The following CDK11B variants were observed in gnomAD, a reference collection of about 807,000 sequenced individuals.
The protein encoded by CDK11B is cyclin dependent kinase 11B, also known as cyclin-dependent kinase 11B.
A neutral mutation model predicts 84.0 loss-of-function variants in CDK11B; 37 were observed. The ratio of observed to expected loss-of-function variants is 0.44; its 90% CI spans 0.34 to 0.58. The LOEUF (loss-of-function observed/expected upper bound fraction) is 0.58, where lower values mean the gene tolerates loss of function less well. CDK11B is among the 20% of genes least tolerant of loss of function. CDK11B has a pLI of 0.02. For missense variants in CDK11B, 427 were observed against 834.0 expected (o/e 0.51, Z 6.01); for synonymous variants, 269 against 309.8 (o/e 0.87, Z 1.38).
intron 4 of CDK11B, among the ~76,000 whole-genome samples, chr1:1,650,779 C>T (rs1426515761): frequency 6.6e-6 from 1 of 150,792 alleles, no homozygotes; most frequent in Non-Finnish European, 1.5e-5. Context: ...CAGGCCTGGG[C>T]CACTGCACCC....
intron 11 of CDK11B, among the ~76,000 whole-genome samples, chr1:1,639,247 C>T (rs1056362563): frequency 6.6e-5 from 10 of 151,784 alleles, no homozygotes; most frequent in Admixed American, 6.6e-4. Flanking sequence ...GGTCAAAACT[C>T]CTTTCTACAA....
At chr1:1,656,551 A>G (rs1016209079) in intron 2 of CDK11B, among the ~76,000 whole-genome samples, 3 of 152,138 alleles carry the variant, frequency 2.0e-5, no homozygotes, top group African/African-American at 7.2e-5. Context: ...GCACTTTGGG[A>G]GGCCGAGGTG....
chr1:1,655,284 C>CT (rs1642595356), intron 3 of CDK11B, 85 bp downstream of exon 3: 2 of 1,479,712 alleles, frequency 1.4e-6, no homozygotes, highest in Non-Finnish European at 1.8e-6. Context: ...TACAACAGCA[C>CT]ACAGTTGTCA....
chr1:1,647,792 C>T (rs1641366588), intron 5 of CDK11B, among the ~76,000 whole-genome samples: 1 of 152,216 alleles, frequency 6.6e-6, no homozygotes, highest in Non-Finnish European at 1.5e-5. Flanking sequence ...TTTCTTCCTC[C>T]CTCCACTGAG....
At chr1:1,657,351 A>G in intron 2 of CDK11B, 24 bp downstream of exon 2, 1 of 1,613,666 alleles carries the variant, frequency 6.2e-7, no homozygotes, top group Non-Finnish European at 8.5e-7. Context: ...TAAGAAAACC[A>G]CTTACTTAAA....
chr1:1,658,922 C>CGCCGCCGCT lies in CDK11B; in HGVS notation c.-31_-23dup, dbSNP rs994453275. On this transcript the variant is annotated 5_prime_UTR_variant, in exon 1 of 20. Transcript: ENST00000341832. ...GCCCAGTCGGAACTCACCCCTACGC[C>CGCCGCCGCT]GCCGCCGCTGCCGCCGCCGCCGCCG... 16 of 193,918 alleles carry CGCCGCCGCT rather than the reference C, an allele frequency of 8.3e-5. No individual in the cohort carries two copies. The highest frequency in any genetic ancestry group is 1.6e-4 in the Non-Finnish European group (15 of 94,506). 12.0% of individuals were successfully genotyped at this position (193,918 alleles called of 1,614,324 possible).
intron 3 of CDK11B, among the ~76,000 whole-genome samples, chr1:1,655,135 C>G (rs1253874886): frequency 6.6e-6 from 1 of 152,052 alleles, no homozygotes; most frequent in Non-Finnish European, 1.5e-5. Context: ...TAACACATGG[C>G]AAAGTTCTTT....
At chr1:1,655,219 C>A in intron 3 of CDK11B, 150 bp downstream of exon 3, 1 of 993,706 alleles carries the variant, frequency 1.0e-6, no homozygotes, top group Non-Finnish European at 1.4e-6. Flanking sequence ...GACATAAAAA[C>A]CTCAATAGTT....
At chr1:1,647,565 G>C (rs550211169) in intron 5 of CDK11B, among the ~76,000 whole-genome samples, 1 of 152,182 alleles carries the variant, frequency 6.6e-6, no homozygotes, top group South Asian at 2.1e-4. Flanking sequence ...CTTGGCCCAC[G>C]GCTGTGTGTG....
In CDK11B at chr1:1,652,408, A is replaced by G. The variant is rs1480228584; in HGVS notation, c.355+31T>C. ...AACAGGAAAGAAACCACACTTGAAC[A>G]TGATGTCAAAGAAAGTAAATGCTTC... On this transcript the variant is annotated intron_variant, in intron 4 of 19. Coordinates refer to ENST00000341832, the MANE Select transcript of CDK11B (RefSeq NM_033486.3). 1.3e-3 allele frequency: 1,977 copies of G among 1,479,298 alleles called. 24 individuals carry two copies. In the African/African-American group the frequency reaches 0.026, roughly 19 times the overall value. 91.6% of individuals were successfully genotyped at this position (1,479,298 alleles called of 1,614,324 possible).
Position 1,654,865 on chromosome 1 carries a change from A to G in CDK11B, c.227+504T>C, listed in dbSNP as rs187852940. 1.8e-3 allele frequency among the ~76,000 whole-genome samples: 276 copies of G among 149,614 alleles called. 4 individuals carry two copies. In the East Asian group the frequency reaches 0.035, roughly 19 times the overall value. ...AGTAGAGACGGGGTTTCACTGTGTT[A>G]GCCAGGATGGTCTTGATCTTCTGAC... On this transcript the variant is annotated intron_variant, in intron 3 of 19. Coordinates refer to ENST00000341832, the MANE Select transcript of CDK11B (RefSeq NM_033486.3).
At position 1,636,989 on chromosome 1, in the gene CDK11B, G is replaced by A. The variant is rs371413920; in HGVS notation, c.1708C>T (p.Leu570=). 11 of 1,612,054 alleles carry A rather than the reference G, an allele frequency of 6.8e-6. No individual in the cohort carries two copies. The African/African-American group carries it at 9.3e-5, about 14-fold the overall frequency. ...AGILKVGDFG[L]AREYGSPLKA... is the part of the protein sequence containing the mutation. Reference sequence around the variant, plus strand: ...AGAGGGGATCCGTACTCCCGCGCCAGCCCGAAGTCACCCACCTGCAACGAC... The same window carrying A: ...AGAGGGGATCCGTACTCCCGCGCCAACCCGAAGTCACCCACCTGCAACGAC... The change falls in exon 16 of 20, where the codon CTG becomes TTG. Residue 570 remains leucine, a synonymous_variant. Transcript: ENST00000341832.
rs757824725 is a variant in CDK11B at position 1,640,338 on chromosome 1, G to T, written c.1190C>A (p.Ser397Tyr). 6.2e-7 allele frequency: 1 copy of T among 1,613,712 alleles called. No individual in the cohort carries two copies. The highest frequency in any genetic ancestry group is 8.5e-7 in the Non-Finnish European group (1 of 1,179,664). The change falls in exon 11 of 20, where the codon TCC becomes TAC. Residue 397 changes from serine (S) to tyrosine (Y), a missense_variant. Ser to Tyr is a moderately radical substitution (Grantham distance 144). Transcript: ENST00000341832. ...ALTEGDYVPD[S>Y]PALSPIELKQ... ...GAGCTCGATGGGCGACAGGGCAGGGGAGTCGGGCACATAGTCGCCCTCTGT... is the reference window on the plus strand; with the variant it reads ...GAGCTCGATGGGCGACAGGGCAGGGTAGTCGGGCACATAGTCGCCCTCTGT...
At position 1,650,427 on chromosome 1, in the gene CDK11B, G is replaced by A. The variant is rs1467319747; in HGVS notation, c.356-790C>T. Among the ~76,000 whole-genome samples, 22 of 142,632 alleles carry A rather than the reference G, an allele frequency of 1.5e-4. No homozygotes were observed. The South Asian group carries it at 2.0e-3, about 13-fold the overall frequency. The allele number at this position is 142,632 out of a possible 152,430, so 93.6% of individuals were successfully genotyped here. On this transcript the variant is annotated intron_variant, in intron 4 of 19. Transcript: ENST00000341832. ...GTCGCCCAGGCTGGAGTGCAGTGGC[G>A]CAATCTCGGCTCACTGCAAGCTCCG...
chr1:1,636,500 T>C lies in CDK11B; in HGVS notation c.1918-19A>G. The C allele has an allele frequency of 1.9e-6, 3 of 1,605,998 alleles. No individual in the cohort carries two copies. Among genetic ancestry groups the C allele is most frequent in the Non-Finnish European group, 2.6e-6 (3 of 1,176,276 alleles). Reference sequence around the variant, plus strand: ...CCAGATCCTGAAAGACAGAGGTGCTTCAACAGCCACACCAAGTGGCCCACA... The same window carrying C: ...CCAGATCCTGAAAGACAGAGGTGCTCCAACAGCCACACCAAGTGGCCCACA... On this transcript the variant is annotated intron_variant, in intron 17 of 19. Coordinates refer to ENST00000341832, the MANE Select transcript of CDK11B (RefSeq NM_033486.3).
intron 16 of CDK11B, 40 bp downstream of exon 16, chr1:1,636,857 C>A: frequency 6.2e-7 from 1 of 1,612,018 alleles, no homozygotes; most frequent in Non-Finnish European, 8.5e-7. Context: ...TGGGAGGCTG[C>A]GTGGGGGACA....
At chr1:1,638,348 G>A (rs1639700165) in intron 12 of CDK11B, among the ~76,000 whole-genome samples, 152 bp downstream of exon 12, 1 of 152,218 alleles carries the variant, frequency 6.6e-6, no homozygotes, top group Non-Finnish European at 1.5e-5. Context: ...AAAGCCCCAG[G>A]GCCAGGCTGA....
chr1:1,635,524 A>T lies in CDK11B; in HGVS notation c.*240T>A. 1 of 455,076 alleles carries T rather than the reference A, an allele frequency of 2.2e-6. No individual in the cohort carries two copies. Among genetic ancestry groups the T allele is most frequent in the Non-Finnish European group, 3.8e-6 (1 of 266,642 alleles). 28.2% of individuals were successfully genotyped at this position (455,076 alleles called of 1,614,324 possible). A position where few individuals can be genotyped will look rare whatever the true frequency, so the allele number is the denominator to read the frequency against. On this transcript the variant is annotated 3_prime_UTR_variant, in exon 20 of 20. Coordinates refer to ENST00000341832, the MANE Select transcript of CDK11B (RefSeq NM_033486.3). The stretch of plus-strand genomic sequence containing the variant: ...GGTGTGTGGAGGTTTGTGCTGCCCC[A>T]CGTGGGCACCCGAAGATGTCCACCC...
intron 15 of CDK11B, 36 bp downstream of exon 15, chr1:1,637,045 G>T (rs1639437680): frequency 1.9e-6 from 3 of 1,613,192 alleles, no homozygotes; most frequent in East Asian, 2.2e-5. Flanking sequence ...GCCCCGGCAG[G>T]TCTCCCTGGG....
Sources: allele counts gnomAD v4.1 joint callset (sites outside exome capture counted in the v4.1 genomes callset), GRCh38; gene constraint gnomAD v4.1.1; transcripts MANE v1.5; gene names NCBI Gene and HGNC (gene_info 2026-07-23, HGNC 2026-07-21).